SP4: variants seen among roughly 807,000 people sequenced by gnomAD.
SP4 encodes the protein Sp4 transcription factor, also known as transcription factor Sp4.
A neutral mutation model predicts 72.8 loss-of-function variants in SP4; 19 were observed. The observed-to-expected ratio is 0.26, with a 90% CI of 0.18 to 0.38. The LOEUF is 0.38. Ranked by LOEUF, SP4 falls within the 10% of genes least tolerant of loss-of-function variation. SP4 has a pLI of 1.00. For missense variants in SP4, 1,008 were observed against 926.3 expected (o/e 1.09, Z -1.14); for synonymous variants, 395 against 333.1 (o/e 1.19, Z -2.02).
rs1413635411 is a variant in SP4 at position 21,511,382 on chromosome 7, G to C, written c.*113G>C. On this transcript the variant is annotated 3_prime_UTR_variant, in exon 6 of 6. Coordinates refer to ENST00000222584, the MANE Select transcript of SP4 (RefSeq NM_003112.5). ...AGTAGGAAATTATGTTTTCATTCTT[G>C]GCTTCTTTAAGTATTCCAGGGTTTG... 3 of 1,158,008 alleles carry C rather than the reference G, an allele frequency of 2.6e-6. No homozygotes were observed. The highest frequency in any genetic ancestry group is 3.1e-5 in the African/African-American group (2 of 64,526). 71.7% of individuals were successfully genotyped at this position (1,158,008 alleles called of 1,614,324 possible). A position where few individuals can be genotyped will look rare whatever the true frequency, so the allele number is the denominator to read the frequency against.
At chr7:21,502,137 G>A (rs1368272380) in intron 5 of SP4, among the ~76,000 whole-genome samples, 2 of 148,418 alleles carry the variant, frequency 1.3e-5, no homozygotes, top group East Asian at 2.0e-4. Flanking sequence ...TGTATTTTCG[G>A]GTATCTTATG....
intron 3 of SP4, among the ~76,000 whole-genome samples, chr7:21,470,769 A>AG (rs397815279): frequency 2.1e-5 from 3 of 146,150 alleles, no homozygotes; most frequent in Admixed American, 2.0e-4. Context: ...AAAAAAAAAA[A>AG]GCAGAACAAA....
intron 5 of SP4, among the ~76,000 whole-genome samples, chr7:21,497,881 T>C (rs1176136727): frequency 2.0e-5 from 3 of 152,244 alleles, no homozygotes; most frequent in Middle Eastern, 3.2e-3. Flanking sequence ...ATTATGCAGA[T>C]TGGTGTCCCT....
intron 5 of SP4, among the ~76,000 whole-genome samples, chr7:21,487,919 G>A (rs1361736232): frequency 6.6e-6 from 1 of 151,982 alleles, no homozygotes; most frequent in African/African-American, 2.4e-5. Context: ...GGAGTTCACT[G>A]GCACGATCAC....
chr7:21,429,684 A>G lies in SP4; in HGVS notation c.519A>G (p.Thr173=). The change falls in exon 3 of 6, where the codon ACA becomes ACG. Residue 173 remains threonine (T), a synonymous_variant. Transcript: ENST00000222584. ...VQYQVIPQLQ[T]VEGQQIQINP... ...ACCAAGTAATTCCACAACTTCAGAC[A>G]GTGGAAGGTCAACAAATTCAAATCA... The G allele has an allele frequency of 1.2e-6, 2 of 1,614,164 alleles. No individual in the cohort carries two copies. The highest frequency in any genetic ancestry group is 1.7e-6 in the Non-Finnish European group (2 of 1,179,982).
In SP4 at chr7:21,430,124, C is replaced by G. The variant is rs568588187; in HGVS notation, c.959C>G (p.Ser320Cys). Reference protein sequence around the residue: ...SASTMPESPSSSTTCTTTAST... With the variant: ...SASTMPESPSCSTTCTTTAST... ...AGTACTATGCCAGAATCTCCCTCCT[C>G]CTCCACTACCTGCACAACCACTGCT... Residue 320 changes from serine (S) to cysteine (C), a missense_variant, in exon 3 of 6, where the codon TCC becomes TGC. Ser to Cys is a moderately radical substitution (Grantham distance 112). Coordinates refer to ENST00000222584, the MANE Select transcript of SP4 (RefSeq NM_003112.5). 1 of 1,614,224 alleles carries G rather than the reference C, an allele frequency of 6.2e-7. No homozygotes were observed.
At chr7:21,459,472 C>A (rs917394545) in intron 3 of SP4, among the ~76,000 whole-genome samples, 2 of 152,128 alleles carry the variant, frequency 1.3e-5, no homozygotes, top group African/African-American at 4.8e-5. Context: ...TATCAGATTT[C>A]ATTAAAATAA....
At chr7:21,458,567 C>G (rs886602110) in intron 3 of SP4, among the ~76,000 whole-genome samples, 41 of 152,120 alleles carry the variant, frequency 2.7e-4, no homozygotes, top group Non-Finnish European at 1.2e-4. Flanking sequence ...TGCCTGTGTT[C>G]TCATCTCTTC....
rs756529363 is a variant in SP4 at position 21,429,312 on chromosome 7, T to C, written c.147T>C (p.Ala49=). 11 of 1,597,016 alleles carry C rather than the reference T, an allele frequency of 6.9e-6. No individual in the cohort carries two copies. Among genetic ancestry groups the C allele is most frequent in the Non-Finnish European group, 9.4e-6 (11 of 1,169,366 alleles). ...GSQDSQPSPL[A]LLAATCSKIG... Reference sequence around the variant, plus strand: ...AGGACTCTCAGCCCTCTCCTCTGGCTTTACTGGCAGCTACTTGCAGCAAAA... The same window carrying C: ...AGGACTCTCAGCCCTCTCCTCTGGCCTTACTGGCAGCTACTTGCAGCAAAA... Residue 49 remains alanine (A), a synonymous_variant, in exon 3 of 6, where the codon GCT becomes GCC. Coordinates refer to ENST00000222584, the MANE Select transcript of SP4 (RefSeq NM_003112.5).
chr7:21,441,483 G>C (rs1783244130), intron 3 of SP4, among the ~76,000 whole-genome samples: 1 of 152,100 alleles, frequency 6.6e-6, no homozygotes, highest in Admixed American at 6.5e-5. Context: ...CTAACATTTT[G>C]TTTCAAGAAG....
At chr7:21,485,659 AG>A (rs1422850835) in intron 5 of SP4, among the ~76,000 whole-genome samples, 3 of 152,036 alleles carry the variant, frequency 2.0e-5, no homozygotes, top group Non-Finnish European at 4.4e-5. Flanking sequence ...AACTGTATGC[AG>A]GCCAGGCATT....
chr7:21,461,977 G>A (rs1478718270), intron 3 of SP4, among the ~76,000 whole-genome samples: 1 of 151,938 alleles, frequency 6.6e-6, no homozygotes, highest in Non-Finnish European at 1.5e-5. Flanking sequence ...GTATATTTTT[G>A]AGGGGTAGGG....
chr7:21,501,737 A>T lies in SP4; in HGVS notation c.2108-9285A>T, dbSNP rs371834537. On this transcript the variant is annotated intron_variant, in intron 5 of 5. Coordinates refer to ENST00000222584, the MANE Select transcript of SP4 (RefSeq NM_003112.5). ...TGTTGGTCTTCGTAAAGCTTTTCTG[A>T]TGGTCCCATCTGGGGCAGTATTGTT... 1.1e-3 allele frequency among the ~76,000 whole-genome samples: 167 copies of T among 152,206 alleles called. 1 individual carries two copies. Among genetic ancestry groups the T allele is most frequent in the African/African-American group, 3.9e-3 (160 of 41,526 alleles).
chr7:21,467,776 A>C (rs1784213615), intron 3 of SP4, among the ~76,000 whole-genome samples: 1 of 152,154 alleles, frequency 6.6e-6, no homozygotes, highest in African/African-American at 2.4e-5. Flanking sequence ...AGTATTATTC[A>C]GAACAGAAAA....
chr7:21,431,650 T>G (rs879678146), intron 3 of SP4, among the ~76,000 whole-genome samples: 1 of 152,212 alleles, frequency 6.6e-6, no homozygotes, highest in Non-Finnish European at 1.5e-5. Flanking sequence ...TATAAATAGC[T>G]CCTTCTGAAG....
intron 5 of SP4, among the ~76,000 whole-genome samples, chr7:21,494,950 AT>A (rs1785070483): frequency 6.6e-6 from 1 of 152,178 alleles, no homozygotes; most frequent in Admixed American, 6.5e-5. Context: ...GAGTCCAGAA[AT>A]TCCCCTCCAC....
intron 3 of SP4, among the ~76,000 whole-genome samples, chr7:21,455,553 T>C (rs1406680603): frequency 6.6e-6 from 1 of 152,170 alleles, no homozygotes; most frequent in East Asian, 1.9e-4. Flanking sequence ...CATAATGAAC[T>C]GGTCTTACCA....
chr7:21,442,552 GA>G (rs1314996124), intron 3 of SP4, among the ~76,000 whole-genome samples: 4 of 152,092 alleles, frequency 2.6e-5, no homozygotes, highest in Non-Finnish European at 5.9e-5. Flanking sequence ...AGTGTTAATA[GA>G]ATCCCAGAAG....
At chr7:21,445,253 A>C (rs1783385359) in intron 3 of SP4, among the ~76,000 whole-genome samples, 3 of 152,132 alleles carry the variant, frequency 2.0e-5, no homozygotes, top group African/African-American at 7.2e-5. Context: ...CCCCAAAAAG[A>C]ATATACCTTG....
Sources: gnomAD v4.1 joint callset for allele counts (sites outside exome capture counted in the v4.1 genomes callset) on GRCh38, gnomAD v4.1.1 for gene constraint, MANE v1.5 for transcripts, NCBI Gene and HGNC (gene_info 2026-07-23, HGNC 2026-07-21) for gene names.